Variants in DPF3 observed in about 807,000 individuals in gnomAD.
The protein encoded by DPF3 is double PHD fingers 3.
A neutral mutation model predicts 56.8 loss-of-function variants in DPF3; 18 were observed. That is an observed-to-expected ratio of 0.32 (90% CI 0.22 to 0.47). The LOEUF (loss-of-function observed/expected upper bound fraction) is 0.47, where lower values mean the gene tolerates loss of function less well. DPF3 is among the 20% of genes least tolerant of loss of function. The pLI is 1.00. For synonymous variants in DPF3, 188 were observed against 180.2 expected (o/e 1.04, Z -0.35); for missense variants, 403 against 488.8 (o/e 0.82, Z 1.65).
At chr14:72,727,379 G>A (rs1039241988) in intron 4 of DPF3, among the ~76,000 whole-genome samples, 7 of 152,064 alleles carry the variant, frequency 4.6e-5, no homozygotes, top group Admixed American at 1.3e-4. Flanking sequence ...AGTTCGAGAC[G>A]AGCCTGGCCA....
Position 72,609,117 on chromosome 14 carries a change from C to T in DPF3, c.*10180G>A, listed in dbSNP as rs761639515. On this transcript the variant is annotated 3_prime_UTR_variant, in exon 11 of 11. Coordinates refer to ENST00000556509, the MANE Select transcript of DPF3 (RefSeq NM_001280542.3). ...TACGTGGGTAGTCAACATTGCTAAC[C>T]AATCACAGAACAAGATACTAACCAC... 6.6e-6 allele frequency among the ~76,000 whole-genome samples: 1 copy of T among 152,168 alleles called. No individual in the cohort carries two copies. Among genetic ancestry groups the T allele is most frequent in the Non-Finnish European group, 1.5e-5 (1 of 68,030 alleles).
rs146724209 is a variant in DPF3, at chr14:72,629,336, T to A, written c.984+288A>T. Among the ~76,000 whole-genome samples, 16 of 152,338 alleles carry A rather than the reference T, an allele frequency of 1.1e-4. No homozygotes were observed. In the South Asian group the frequency reaches 3.1e-3, roughly 30 times the overall value. On this transcript the variant is annotated intron_variant, in intron 9 of 10. Coordinates refer to ENST00000556509, the MANE Select transcript of DPF3 (RefSeq NM_001280542.3). ...CTTTGTATATGTTTGAAATTGCCCA[T>A]AATAAAAAATGTTCTTGAAAATTTT...
rs563532333 is a variant in DPF3, at chr14:72,843,328, G to T, written c.32+50729C>A. On this transcript the variant is annotated intron_variant, in intron 1 of 10. Transcript: ENST00000556509. ...CGGGTTTGCTTCAAAAGCATCGGGG[G>T]TTTTTTGGGTTTTGCTTCCCTTAAA... Among the ~76,000 whole-genome samples the T allele has an allele frequency of 2.6e-5, 4 of 152,158 alleles. No homozygotes were observed. In the South Asian group the frequency reaches 8.3e-4, roughly 32 times the overall value.
At chr14:72,794,120 T>C (rs946898237) in intron 1 of DPF3, among the ~76,000 whole-genome samples, 1 of 152,252 alleles carries the variant, frequency 6.6e-6, no homozygotes, top group Non-Finnish European at 1.5e-5. Flanking sequence ...TTACTTGCTG[T>C]CTGAGCTGTT....
At chr14:72,790,990 G>A (rs1409242818) in intron 1 of DPF3, among the ~76,000 whole-genome samples, 2 of 152,126 alleles carry the variant, frequency 1.3e-5, no homozygotes, top group Non-Finnish European at 2.9e-5. Flanking sequence ...CAGGTGCCGA[G>A]AGAGGGAAGA....
At chr14:72,680,482 T>C (rs888804721) in intron 7 of DPF3, among the ~76,000 whole-genome samples, 1 of 152,104 alleles carries the variant, frequency 6.6e-6, no homozygotes, top group African/African-American at 2.4e-5. Flanking sequence ...CACAGGACCC[T>C]CCAATCGTCA....
At chr14:72,712,506 C>A (rs1382326865) in intron 6 of DPF3, among the ~76,000 whole-genome samples, 14 of 152,194 alleles carry the variant, frequency 9.2e-5, no homozygotes, top group Middle Eastern at 3.4e-3. Flanking sequence ...ATGAAAGCTG[C>A]AGAGATAGAG....
chr14:72,720,676 C>T (rs1039067055), intron 5 of DPF3, among the ~76,000 whole-genome samples: 1 of 152,176 alleles, frequency 6.6e-6, no homozygotes, highest in Non-Finnish European at 1.5e-5. Context: ...ATATGCTGGG[C>T]CCTGGGCCAG....
At chr14:72,675,248 A>C (rs187205051) in intron 7 of DPF3, among the ~76,000 whole-genome samples, 1 of 152,330 alleles carries the variant, frequency 6.6e-6, no homozygotes, top group African/African-American at 2.4e-5. Flanking sequence ...TTATGCACCA[A>C]AATCATTCCA....
chr14:72,817,082 C>G (rs1057319684), intron 1 of DPF3, among the ~76,000 whole-genome samples: 3 of 152,188 alleles, frequency 2.0e-5, no homozygotes, highest in African/African-American at 7.2e-5. Context: ...AAGCACCACT[C>G]CAATCACCTC....
At chr14:72,830,411 C>T (rs1449906405) in intron 1 of DPF3, among the ~76,000 whole-genome samples, 1 of 152,172 alleles carries the variant, frequency 6.6e-6, no homozygotes. Flanking sequence ...GCCACCAGTC[C>T]ATAAACAGCT....
chr14:72,708,338 G>A (rs560023674), intron 6 of DPF3, among the ~76,000 whole-genome samples: 59 of 152,226 alleles, frequency 3.9e-4, no homozygotes, highest in African/African-American at 5.8e-4. Flanking sequence ...CTGGAACGGC[G>A]CACTCAGTCT....
At chr14:72,841,085 G>A (rs1042435086) in intron 1 of DPF3, among the ~76,000 whole-genome samples, 1 of 152,192 alleles carries the variant, frequency 6.6e-6, no homozygotes, top group African/African-American at 2.4e-5. Context: ...GAGTGCTTTA[G>A]CAAGGGATTT....
At chr14:72,699,507 G>A in intron 6 of DPF3, among the ~76,000 whole-genome samples, 1 of 125,860 alleles carries the variant, frequency 7.9e-6, no homozygotes, top group Admixed American at 9.4e-5. Flanking sequence ...GGGTGACAGA[G>A]ATTCTGTCTC....
chr14:72,731,999 C>A, intron 3 of DPF3, 65 bp from the exon 4 acceptor site: 1 of 1,538,706 alleles, frequency 6.5e-7, no homozygotes, highest in Non-Finnish European at 8.8e-7. Flanking sequence ...AGGGACAGTC[C>A]TGGAGGACAC....
At chr14:72,835,212 T>C (rs1318832423) in intron 1 of DPF3, among the ~76,000 whole-genome samples, 1 of 152,084 alleles carries the variant, frequency 6.6e-6, no homozygotes, top group Non-Finnish European at 1.5e-5. Flanking sequence ...GGATTACAGG[T>C]GCACGCCACC....
intron 2 of DPF3, among the ~76,000 whole-genome samples, chr14:72,769,727 T>A (rs937070290): frequency 6.9e-6 from 1 of 144,934 alleles, no homozygotes; most frequent in East Asian, 2.0e-4. Context: ...GAATCCTGAA[T>A]GGCCAGAGAT....
chr14:72,712,007 A>G (rs1466820085), intron 6 of DPF3, among the ~76,000 whole-genome samples: 1 of 152,008 alleles, frequency 6.6e-6, no homozygotes, highest in African/African-American at 2.4e-5. Flanking sequence ...AGATAAAAAT[A>G]AAGTCTATTA....
chr14:72,677,348 CT>C (rs1399724661), intron 7 of DPF3, among the ~76,000 whole-genome samples: 4 of 152,192 alleles, frequency 2.6e-5, no homozygotes, highest in African/African-American at 9.7e-5. Context: ...GGACTAATTG[CT>C]TATGCACCTG....
Sources: allele counts gnomAD v4.1 joint callset (sites outside exome capture counted in the v4.1 genomes callset), GRCh38; gene constraint gnomAD v4.1.1; transcripts MANE v1.5; gene names NCBI Gene and HGNC (gene_info 2026-07-23, HGNC 2026-07-21).